TRUB1: variants seen among roughly 807,000 people sequenced by gnomAD.
TRUB1 encodes TruB pseudouridine synthase family member 1.
TRUB1 carries 23 observed loss-of-function variants against 33.9 expected under a neutral mutation model. That is an observed-to-expected ratio of 0.68 (90% CI 0.49 to 0.96). TRUB1 has a LOEUF of 0.96. TRUB1 is among the 40% of genes least tolerant of loss of function. The probability of loss-of-function intolerance (pLI) is 0.00; values close to 1 mark genes in which losing one functional copy is unlikely to be tolerated. For missense variants in TRUB1, 378 were observed against 422.2 expected (o/e 0.90, Z 0.92); for synonymous variants, 163 against 165.4 (o/e 0.99, Z 0.11).
rs1452565867 is a variant in TRUB1, at chr10:114,975,108, C to T, written c.794-15C>T. 7.6e-6 allele frequency: 12 copies of T among 1,584,916 alleles called. No homozygotes were observed. Among genetic ancestry groups the T allele is most frequent in the Middle Eastern group, 1.7e-4 (1 of 5,866 alleles). On this transcript the variant is annotated splice_polypyrimidine_tract_variant and intron_variant, in intron 7 of 7. Coordinates refer to ENST00000298746, the MANE Select transcript of TRUB1 (RefSeq NM_139169.5). ...TTTATCTTCTGGATTTTTTTTCTAC[C>T]TTTTGTTGCCATAGAACTATCTTCC...
intron 2 of TRUB1, 31 bp downstream of exon 2, chr10:114,942,774 A>G: frequency 7.5e-7 from 1 of 1,325,180 alleles, no homozygotes; most frequent in South Asian, 1.2e-5. Context: ...TTAAGTGTCC[A>G]CTGTCACTTA....
intron 3 of TRUB1, among the ~76,000 whole-genome samples, chr10:114,955,705 G>A (rs2084258941): frequency 6.6e-6 from 1 of 152,162 alleles, no homozygotes; most frequent in Admixed American, 6.5e-5. Context: ...CTTGAGTAAT[G>A]CTCCTATGAA....
intron 4 of TRUB1, among the ~76,000 whole-genome samples, chr10:114,960,857 C>T (rs1450070561): frequency 2.0e-5 from 3 of 152,032 alleles, no homozygotes; most frequent in Non-Finnish European, 4.4e-5. Flanking sequence ...CAGAGACTTC[C>T]AGAGGATACT....
intron 1 of TRUB1, 42 bp downstream of exon 1, chr10:114,938,581 C>T: frequency 1.3e-6 from 2 of 1,492,036 alleles, no homozygotes; most frequent in Non-Finnish European, 1.8e-6. Flanking sequence ...GCGGTCGCTG[C>T]GAGAGGGGAA....
intron 5 of TRUB1, 97 bp from the exon 6 acceptor site, chr10:114,972,038 C>T (rs2084338941): frequency 7.1e-7 from 1 of 1,401,024 alleles, no homozygotes; most frequent in Admixed American, 2.4e-5. Flanking sequence ...TCCTTCCTTT[C>T]CATGCTAAAT....
chr10:114,972,327 A>G, intron 6 of TRUB1, 53 bp downstream of exon 6: 1 of 1,537,566 alleles, frequency 6.5e-7, no homozygotes, highest in Non-Finnish European at 8.7e-7. Context: ...TTTAATTTGT[A>G]TTTGGCTACT....
intron 4 of TRUB1, among the ~76,000 whole-genome samples, chr10:114,962,916 A>G (rs1242238885): frequency 3.3e-5 from 5 of 152,234 alleles, no homozygotes; most frequent in Admixed American, 1.3e-4. Flanking sequence ...AAGCCGGGAA[A>G]GGCAAAGCAT....
In TRUB1 at chr10:114,977,541, T is replaced by C. The variant is rs2084367111; in HGVS notation, c.*2162T>C. 6.6e-6 allele frequency: 1 copy of C among 152,044 alleles called. No homozygotes were observed. Among genetic ancestry groups the C allele is most frequent in the African/African-American group, 2.4e-5 (1 of 41,430 alleles). 9.4% of individuals were successfully genotyped at this position (152,044 alleles called of 1,614,324 possible). Reference sequence around the variant, plus strand: ...TTGTAACATTTTACAGTGTTACCATTTGAGTAGGGGTTTTATATGTTGTTG... The same window carrying C: ...TTGTAACATTTTACAGTGTTACCATCTGAGTAGGGGTTTTATATGTTGTTG... On this transcript the variant is annotated 3_prime_UTR_variant, in exon 8 of 8. Transcript: ENST00000298746.
At chr10:114,944,651 C>T (rs1271460144) in intron 2 of TRUB1, among the ~76,000 whole-genome samples, 2 of 151,756 alleles carry the variant, frequency 1.3e-5, no homozygotes, top group African/African-American at 4.8e-5. Context: ...AAGAGTGAAA[C>T]TCTTGTCTCA....
At chr10:114,960,122 G>T in intron 4 of TRUB1, 1 of 260,860 alleles carries the variant, frequency 3.8e-6, no homozygotes, top group Non-Finnish European at 7.2e-6. Context: ...GAGAAACAAA[G>T]CAGAGATACT....
At chr10:114,972,385 T>C (rs2084341043) in intron 6 of TRUB1, 111 bp downstream of exon 6, 1 of 1,281,170 alleles carries the variant, frequency 7.8e-7, no homozygotes, top group Admixed American at 2.7e-5. Flanking sequence ...TTTTTTAAAA[T>C]TTGAATTTAA....
At chr10:114,969,793 G>T (rs1291582345) in intron 4 of TRUB1, among the ~76,000 whole-genome samples, 11 of 149,854 alleles carry the variant, frequency 7.3e-5, no homozygotes, top group South Asian at 2.1e-4. Context: ...GGGGCGGGGG[G>T]ACAGATAAAT....
At chr10:114,942,558 T>C in intron 1 of TRUB1, 87 bp from the exon 2 acceptor site, 5 of 828,804 alleles carry the variant, frequency 6.0e-6, no homozygotes, top group South Asian at 3.1e-5. Flanking sequence ...GTTTTGAAAA[T>C]GCCATCCCCT....
chr10:114,944,590 CAG>C (rs953329902), intron 2 of TRUB1, among the ~76,000 whole-genome samples: 19 of 152,050 alleles, frequency 1.2e-4, no homozygotes, highest in South Asian at 6.2e-4. Context: ...ACCCAGGAGA[CAG>C]AGGTTGCAGT....
intron 5 of TRUB1, among the ~76,000 whole-genome samples, chr10:114,971,711 A>G (rs1043909264): frequency 1.3e-5 from 2 of 152,216 alleles, no homozygotes; most frequent in Non-Finnish European, 2.9e-5. Context: ...TGTTTTGGTA[A>G]CTTATATAAA....
intron 2 of TRUB1, among the ~76,000 whole-genome samples, chr10:114,943,984 T>C (rs1226336853): frequency 6.6e-6 from 1 of 150,684 alleles, no homozygotes; most frequent in Non-Finnish European, 1.5e-5. Flanking sequence ...AAATATTTTA[T>C]CCTTTTTTAT....
At chr10:114,942,440 A>T (rs1380698497) in intron 1 of TRUB1, among the ~76,000 whole-genome samples, 1 of 152,084 alleles carries the variant, frequency 6.6e-6, no homozygotes, top group Non-Finnish European at 1.5e-5. Context: ...CTGATTTTGG[A>T]ATACTCTTTC....
intron 4 of TRUB1, among the ~76,000 whole-genome samples, chr10:114,968,118 A>T (rs955723553): frequency 6.6e-6 from 1 of 152,160 alleles, no homozygotes; most frequent in Non-Finnish European, 1.5e-5. Flanking sequence ...ATATGTAGAA[A>T]GAAGAGAGAA....
chr10:114,940,006 A>C (rs2084179168), intron 1 of TRUB1, among the ~76,000 whole-genome samples: 1 of 152,026 alleles, frequency 6.6e-6, no homozygotes, highest in African/African-American at 2.4e-5. Context: ...AGACATTCTC[A>C]TTATCCTCGA....
Sources: allele counts gnomAD v4.1 joint callset (sites outside exome capture counted in the v4.1 genomes callset), GRCh38; gene constraint gnomAD v4.1.1; transcripts MANE v1.5; gene names NCBI Gene and HGNC (gene_info 2026-07-23, HGNC 2026-07-21).